Variants in CUBN observed in about 807,000 individuals in gnomAD.
The protein encoded by CUBN is 460 kDa receptor.
A neutral mutation model predicts 405.3 loss-of-function variants in CUBN; 282 were observed. The observed-to-expected ratio is 0.70, with a 90% confidence interval of 0.63 to 0.77. The LOEUF (loss-of-function observed/expected upper bound fraction) is 0.77. CUBN is among the 30% of genes least tolerant of loss of function. The pLI, the probability that CUBN is intolerant of heterozygous loss-of-function variation, is 0.00. For missense variants in CUBN, 4,514 were observed against 4,475.2 expected (o/e 1.01, Z -0.25); for synonymous variants, 1,684 against 1,617.0 (o/e 1.04, Z -0.99).
At chr10:17,014,692 T>C (rs1368513918) in intron 28 of CUBN, among the ~76,000 whole-genome samples, 2 of 152,190 alleles carry the variant, frequency 1.3e-5, no homozygotes, top group African/African-American at 2.4e-5. Context: ...CCTGCTGGGA[T>C]GAGGCTTCCA....
intron 14 of CUBN, among the ~76,000 whole-genome samples, chr10:17,095,638 C>T (rs1224426914): frequency 2.6e-5 from 4 of 151,910 alleles, no homozygotes; most frequent in Non-Finnish European, 5.9e-5. Context: ...AAAGGGAACC[C>T]TTGTTGAAAG....
intron 4 of CUBN, among the ~76,000 whole-genome samples, chr10:17,124,919 C>T (rs961422845): frequency 6.6e-6 from 1 of 151,628 alleles, no homozygotes; most frequent in Non-Finnish European, 1.5e-5. Flanking sequence ...GCAACCTCCA[C>T]CTCTTGGGTT....
intron 54 of CUBN, among the ~76,000 whole-genome samples, chr10:16,892,508 T>G (rs1242883516): frequency 1.3e-5 from 2 of 152,016 alleles, no homozygotes; most frequent in African/African-American, 4.8e-5. Flanking sequence ...ATATATGTAT[T>G]TTTTTGAGAC....
At chr10:16,927,065 AG>A (rs1224234581) in intron 41 of CUBN, among the ~76,000 whole-genome samples, 1 of 152,062 alleles carries the variant, frequency 6.6e-6, no homozygotes, top group Non-Finnish European at 1.5e-5. Context: ...GGAGCTGCCA[AG>A]TATGTATATA....
chr10:16,886,884 G>A (rs377302950), intron 56 of CUBN, among the ~76,000 whole-genome samples: 1 of 152,232 alleles, frequency 6.6e-6, no homozygotes, highest in East Asian at 1.9e-4. Context: ...CGCCTCCTGG[G>A]TTCAAGCGAT....
At chr10:16,901,545 C>T in intron 51 of CUBN, 86 bp from the exon 52 acceptor site, 1 of 1,544,562 alleles carries the variant, frequency 6.5e-7, no homozygotes. Context: ...TCATAACCAT[C>T]AGATTTTGTG....
rs190767385 is a variant in CUBN at position 16,957,810 on chromosome 10, A to G, written c.4696-3262T>C. On this transcript the variant is annotated intron_variant, in intron 31 of 66. Coordinates refer to ENST00000377833, the MANE Select transcript of CUBN (RefSeq NM_001081.4). Reference sequence around the variant, plus strand: ...ACTGAAGCACTAGTCACAATAGCCAAAATATGGAATCAACCTAAGTGTCTA... The same window carrying G: ...ACTGAAGCACTAGTCACAATAGCCAGAATATGGAATCAACCTAAGTGTCTA... Among the ~76,000 whole-genome samples the G allele has an allele frequency of 4.6e-5, 7 of 152,250 alleles. No homozygotes were observed. The East Asian group carries it at 1.4e-3, about 29-fold the overall frequency.
chr10:17,083,360 C>T (rs1836014085), intron 17 of CUBN, among the ~76,000 whole-genome samples: 1 of 152,132 alleles, frequency 6.6e-6, no homozygotes, highest in East Asian at 1.9e-4. Flanking sequence ...GCAAAATTAG[C>T]CGGGCGTGGT....
At chr10:17,077,995 G>C (rs1426329304) in intron 17 of CUBN, among the ~76,000 whole-genome samples, 1 of 152,028 alleles carries the variant, frequency 6.6e-6, no homozygotes, top group Non-Finnish European at 1.5e-5. Flanking sequence ...ACATGAATAA[G>C]TTTTACCTAG....
In CUBN at chr10:17,007,718, G is replaced by A. The variant is rs933411593; in HGVS notation, c.4168+12115C>T. The stretch of plus-strand genomic sequence containing the variant: ...AAGCCACTTGACCTGGCCAGGGCAC[G>A]AAGAGCAACTCCAGGACCAGCGTTA... On this transcript the variant is annotated intron_variant, in intron 28 of 66. Coordinates refer to ENST00000377833, the MANE Select transcript of CUBN (RefSeq NM_001081.4). 7.2e-5 allele frequency among the ~76,000 whole-genome samples: 11 copies of A among 152,180 alleles called. No individual in the cohort carries two copies. In the East Asian group the frequency reaches 1.5e-3, roughly 21 times the overall value.
chr10:16,986,482 G>A (rs1011188240), intron 29 of CUBN, among the ~76,000 whole-genome samples: 14 of 152,132 alleles, frequency 9.2e-5, no homozygotes, highest in Admixed American at 2.0e-4. Context: ...CCAGCCATCC[G>A]GTAAAGGCCA....
intron 59 of CUBN, among the ~76,000 whole-genome samples, chr10:16,860,531 CT>C (rs1457700247): frequency 1.3e-5 from 2 of 152,194 alleles, no homozygotes; most frequent in African/African-American, 4.8e-5. Flanking sequence ...GCTTCTAACT[CT>C]CTTATCTGAC....
chr10:16,874,571 G>C, intron 57 of CUBN, 68 bp from the exon 58 acceptor site: 1 of 1,579,726 alleles, frequency 6.3e-7, no homozygotes, highest in Non-Finnish European at 8.7e-7. Flanking sequence ...ATGATTTTAA[G>C]AGATTCTATA....
chr10:17,077,252 T>C (rs1835872931), intron 17 of CUBN, among the ~76,000 whole-genome samples: 6 of 152,182 alleles, frequency 3.9e-5, no homozygotes. Flanking sequence ...CCAAATGGCT[T>C]CCAATTTTTA....
intron 59 of CUBN, among the ~76,000 whole-genome samples, chr10:16,857,289 G>A (rs1839892012): frequency 6.6e-6 from 1 of 152,118 alleles, no homozygotes; most frequent in African/African-American, 2.4e-5. Flanking sequence ...ATTAAAATGT[G>A]TATTTAGTCT....
chr10:16,898,096 CAT>C (rs1841246536), intron 54 of CUBN, among the ~76,000 whole-genome samples: 1 of 143,938 alleles, frequency 6.9e-6, no homozygotes, highest in African/African-American at 2.8e-5. Context: ...ATGTTATACA[CAT>C]ATGAGATTTT....
At chr10:17,041,789 T>C (rs1835025462) in intron 26 of CUBN, among the ~76,000 whole-genome samples, 1 of 152,014 alleles carries the variant, frequency 6.6e-6, no homozygotes, top group African/African-American at 2.4e-5. Context: ...TAGTTAGTCA[T>C]CAGGAAGTAC....
At chr10:16,982,942 T>C (rs1310141298) in intron 30 of CUBN, among the ~76,000 whole-genome samples, 2 of 152,136 alleles carry the variant, frequency 1.3e-5, no homozygotes, top group African/African-American at 2.4e-5. Flanking sequence ...CACAAAGCCA[T>C]GGAATGCTGC....
chr10:16,934,015 A>G (rs1842430328), intron 39 of CUBN, among the ~76,000 whole-genome samples: 1 of 152,152 alleles, frequency 6.6e-6, no homozygotes, highest in Admixed American at 6.5e-5. Flanking sequence ...GAAGTTGCTG[A>G]ACTGGAATAA....
Sources: allele counts gnomAD v4.1 joint callset (sites outside exome capture counted in the v4.1 genomes callset), GRCh38; gene constraint gnomAD v4.1.1; transcripts MANE v1.5; gene names NCBI Gene and HGNC (gene_info 2026-07-23, HGNC 2026-07-21).